NLGN1: variants seen among roughly 807,000 people sequenced by gnomAD.
NLGN1 encodes the protein neuroligin 1.
Under a neutral mutation model 65.5 loss-of-function variants are expected in NLGN1, and 12 were observed. That is an observed-to-expected ratio of 0.18 (90% confidence interval 0.12 to 0.30). The LOEUF (loss-of-function observed/expected upper bound fraction) is 0.30. Among genes scored for constraint, NLGN1 ranks in the 10% least tolerant of loss-of-function variants. The pLI is 1.00. For missense variants in NLGN1, 750 were observed against 1,007.1 expected, an observed-to-expected ratio of 0.74 and a Z score of 3.46; for synonymous variants, 350 against 359.5, an observed-to-expected ratio of 0.97 and a Z score of 0.30.
chr3:174,155,233 G>A (rs6774790), intron 4 of NLGN1, among the ~76,000 whole-genome samples: 11,851 of 150,690 alleles, frequency 0.079, 625 homozygotes, highest in African/African-American at 0.15. Context: ...AAGACAAGAC[G>A]TTGATACTCT....
chr3:173,505,855 A>G (rs1731950929), intron 2 of NLGN1, among the ~76,000 whole-genome samples: 2 of 152,062 alleles, frequency 1.3e-5, no homozygotes, highest in African/African-American at 4.8e-5. Flanking sequence ...GCTTTATGGG[A>G]TAAAGAACTA....
intron 4 of NLGN1, among the ~76,000 whole-genome samples, chr3:173,959,644 T>A (rs533670387): frequency 1.3e-5 from 2 of 152,258 alleles, no homozygotes; most frequent in Non-Finnish European, 2.9e-5. Flanking sequence ...TGGTCAACTT[T>A]GCAATAGATT....
rs193098149 is a variant in NLGN1, at chr3:174,207,027, G to A, written c.647-68288G>A. Among the ~76,000 whole-genome samples, 88 of 152,216 alleles carry A rather than the reference G, an allele frequency of 5.8e-4. No individual in the cohort carries two copies. In the East Asian group the frequency reaches 0.011, roughly 18 times the overall value. On this transcript the variant is annotated intron_variant, in intron 4 of 6. Coordinates refer to ENST00000457714, the Ensembl canonical transcript of NLGN1. ...CACATCAATCAAAGATCCACAATGA[G>A]TAAAACAACCCCGCCCAGCCACAGA...
At chr3:173,820,104 G>T (rs1475238669) in intron 4 of NLGN1, among the ~76,000 whole-genome samples, 4 of 151,848 alleles carry the variant, frequency 2.6e-5, no homozygotes, top group African/African-American at 9.7e-5. Flanking sequence ...GCGCGAACCC[G>T]GGAGGCGGAG....
At chr3:174,114,908 G>A (rs1716057268) in intron 4 of NLGN1, among the ~76,000 whole-genome samples, 1 of 151,968 alleles carries the variant, frequency 6.6e-6, no homozygotes, top group Non-Finnish European at 1.5e-5. Flanking sequence ...AAAATAGCAG[G>A]TATCTATTAA....
intron 4 of NLGN1, among the ~76,000 whole-genome samples, chr3:174,002,203 G>A (rs9808945): frequency 0.29 from 43,793 of 151,906 alleles, 7,979 homozygotes; most frequent in African/African-American, 0.51. Context: ...TCTCAGCTCA[G>A]TGCAGCCTCC....
intron 3 of NLGN1, among the ~76,000 whole-genome samples, chr3:173,789,361 G>C (rs1185861370): frequency 6.6e-6 from 1 of 152,084 alleles, no homozygotes; most frequent in Admixed American, 6.6e-5. Context: ...CTTTTCTTTA[G>C]TAGTCCCCAC....
intron 4 of NLGN1, among the ~76,000 whole-genome samples, chr3:174,066,548 C>CTG (rs1438531014): frequency 2.9e-4 from 33 of 113,418 alleles, no homozygotes; most frequent in African/African-American, 1.1e-3. Flanking sequence ...CTCTCTCTCT[C>CTG]TCTCTCTCTC....
intron 4 of NLGN1, among the ~76,000 whole-genome samples, chr3:174,181,281 C>T (rs1341840109): frequency 6.6e-6 from 1 of 152,108 alleles, no homozygotes; most frequent in East Asian, 1.9e-4. Flanking sequence ...TCTGCTTTCT[C>T]CCTGCCTTTT....
chr3:173,739,320 A>G (rs1207653716), intron 3 of NLGN1, among the ~76,000 whole-genome samples: 1 of 152,074 alleles, frequency 6.6e-6, no homozygotes, highest in East Asian at 1.9e-4. Context: ...GATTGAGAAT[A>G]TACTGTAATA....
At position 173,752,699 on chromosome 3, in the gene NLGN1, C is replaced by CA. The variant is rs1028639565; in HGVS notation, c.494-54980dup. Among the ~76,000 whole-genome samples, 18 of 152,196 alleles carry CA rather than the reference C, an allele frequency of 1.2e-4. No individual in the cohort carries two copies. The South Asian group carries it at 1.5e-3, about 12-fold the overall frequency. ...TAAACATGGCAGGAAAACTAAACCA[C>CA]ATTGAATGGGTCACCACTTTAAATA... On this transcript the variant is annotated intron_variant, in intron 3 of 6. Transcript: ENST00000457714.
intron 3 of NLGN1, chr3:173,685,866 C>A (rs1764608883): frequency 1.1e-6 from 1 of 887,362 alleles, no homozygotes; most frequent in East Asian, 1.2e-4. Context: ...TGTCCTCTTA[C>A]AATTAAAATA....
In NLGN1 at chr3:173,529,966, C is replaced by CTTTTTTTTTTTTTT. The variant is rs930436367; in HGVS notation, c.-320-74303_-320-74302insTTTTTTTTTTTTTT. ...CTAACTTATGGAACACTTTCTTTTC[C>CTTTTTTTTTTTTTT]TTTTTTTTTTAGATAGAGTCTTACT... On this transcript the variant is annotated intron_variant, in intron 2 of 6. Transcript: ENST00000457714. Among the ~76,000 whole-genome samples, 72 of 146,256 alleles carry CTTTTTTTTTTTTTT rather than the reference C, an allele frequency of 4.9e-4. 1 individual carries two copies. The highest frequency in any genetic ancestry group is 1.8e-3 in the African/African-American group (69 of 38,934).
chr3:173,836,732 C>T (rs1053953973), intron 4 of NLGN1, among the ~76,000 whole-genome samples: 14 of 152,060 alleles, frequency 9.2e-5, no homozygotes, highest in Admixed American at 2.6e-4. Flanking sequence ...TTTCAGATGC[C>T]CATCACCATC....
intron 4 of NLGN1, among the ~76,000 whole-genome samples, chr3:174,097,527 C>T (rs1447226293): frequency 6.6e-6 from 1 of 152,116 alleles, no homozygotes; most frequent in African/African-American, 2.4e-5. Flanking sequence ...CATTTCTATC[C>T]AGTCTGTGTT....
rs1458395213 is a variant in NLGN1, at chr3:173,614,705, C to G, written c.493+9614C>G. On this transcript the variant is annotated intron_variant, in intron 3 of 6. Coordinates refer to ENST00000457714, the Ensembl canonical transcript of NLGN1. The stretch of plus-strand genomic sequence containing the variant: ...ACCTATCCCCAACTTCCCACCAAAG[C>G]AAACACCCACACTCCCACACACACC... Among the ~76,000 whole-genome samples, 3 of 152,044 alleles carry G rather than the reference C, an allele frequency of 2.0e-5. No homozygotes were observed. The East Asian group carries it at 5.8e-4, about 29-fold the overall frequency.
At chr3:173,474,440 A>G (rs951449911) in intron 2 of NLGN1, among the ~76,000 whole-genome samples, 2 of 152,006 alleles carry the variant, frequency 1.3e-5, no homozygotes, top group African/African-American at 4.8e-5. Context: ...CTATATCTAT[A>G]TGTGTGTGTG....
intron 4 of NLGN1, among the ~76,000 whole-genome samples, chr3:173,877,919 C>T (rs1732445175): frequency 6.6e-6 from 1 of 152,100 alleles, no homozygotes; most frequent in South Asian, 2.1e-4. Context: ...GGGACTTCAA[C>T]CTGGAATTTT....
intron 3 of NLGN1, among the ~76,000 whole-genome samples, chr3:173,619,109 C>T (rs537288067): frequency 6.6e-6 from 1 of 152,168 alleles, no homozygotes; most frequent in Admixed American, 6.5e-5. Context: ...ATCTTGTTTC[C>T]TGGTTTTGCT....
Sources: gnomAD v4.1 joint callset for allele counts (sites outside exome capture counted in the v4.1 genomes callset) on GRCh38, gnomAD v4.1.1 for gene constraint, MANE v1.5 for transcripts, NCBI Gene and HGNC (gene_info 2026-07-23, HGNC 2026-07-21) for gene names.